Variants in TOMM34 observed in about 807,000 individuals in gnomAD.
The protein encoded by TOMM34 is translocase of outer mitochondrial membrane 34.
Under a neutral mutation model 37.4 loss-of-function variants are expected in TOMM34, and 24 were observed. The ratio of observed to expected loss-of-function variants is 0.64; its 90% CI spans 0.46 to 0.90. The LOEUF is 0.90. TOMM34 is among the 40% of genes least tolerant of loss of function. The pLI is 0.00. For missense variants in TOMM34, 304 were observed against 375.6 expected (o/e 0.81, Z 1.58); for synonymous variants, 154 against 148.9 (o/e 1.03, Z -0.25).
Position 44,951,168 on chromosome 20 carries a change from A to G in TOMM34, c.550+665T>C, listed in dbSNP as rs553397547. 2.0e-5 allele frequency among the ~76,000 whole-genome samples: 3 copies of G among 152,276 alleles called. No homozygotes were observed. The East Asian group carries it at 5.8e-4, about 29-fold the overall frequency. ...CCAGAATAGATTGAGAAAATGATTGAGAAAATATGTGAGCTAGAGTTTTTT... is the reference window on the plus strand; with the variant it reads ...CCAGAATAGATTGAGAAAATGATTGGGAAAATATGTGAGCTAGAGTTTTTT... On this transcript the variant is annotated intron_variant, in intron 4 of 6. Transcript: ENST00000372813.
At position 44,955,184 on chromosome 20, in the gene TOMM34, C is replaced by G; in HGVS notation, c.264G>C (p.Leu88=). Residue 88 remains leucine (L), a synonymous_variant, in exon 3 of 7, where the codon CTG becomes CTC. Transcript: ENST00000372813. The part of the protein sequence containing the change: ...LALVPFSIKP[L]LRRASAYEAL... ...CCTCATAAGCAGATGCTCGCCGCAG[C>G]AGGGGCTTAATGCTGAAGGGAACCA... The G allele has an allele frequency of 6.2e-7, 1 of 1,614,194 alleles. No homozygotes were observed. The highest frequency in any genetic ancestry group is 8.5e-7 in the Non-Finnish European group (1 of 1,180,036).
chr20:44,954,756 T>C (rs1361532875), intron 3 of TOMM34, among the ~76,000 whole-genome samples: 1 of 152,174 alleles, frequency 6.6e-6, no homozygotes, highest in East Asian at 1.9e-4. Flanking sequence ...TGTATCTCTT[T>C]CTCATTTTGG....
chr20:44,953,939 C>A lies in TOMM34; in HGVS notation c.380+1129G>T, dbSNP rs1020889908. On this transcript the variant is annotated intron_variant, in intron 3 of 6. Coordinates refer to ENST00000372813, the MANE Select transcript of TOMM34 (RefSeq NM_006809.5). ...AAGGCTGACTTGCTCAGGATTAAGTCCAAGCCCTGAACCCTGGGTCTTGTG... is the reference window on the plus strand; with the variant it reads ...AAGGCTGACTTGCTCAGGATTAAGTACAAGCCCTGAACCCTGGGTCTTGTG... 3.3e-5 allele frequency among the ~76,000 whole-genome samples: 5 copies of A among 152,312 alleles called. No homozygotes were observed. The South Asian group carries it at 8.3e-4, about 25-fold the overall frequency.
Position 44,948,578 on chromosome 20 carries a change from A to C in TOMM34, c.698+152T>G, listed in dbSNP as rs1051430730. 2.1e-5 allele frequency: 20 copies of C among 952,336 alleles called. No individual in the cohort carries two copies. The Middle Eastern group carries it at 1.0e-3, about 48-fold the overall frequency. The allele number at this position is 952,336 out of a possible 1,614,324, so 59.0% of individuals were successfully genotyped here. ...CTACCCTTTTGAGAGAATGAATGCC[A>C]CTGGTCATGGCTAGCTCACAACGTG... On this transcript the variant is annotated intron_variant, in intron 5 of 6. Coordinates refer to ENST00000372813, the MANE Select transcript of TOMM34 (RefSeq NM_006809.5).
At chr20:44,959,832 C>T (rs1185880848) in intron 1 of TOMM34, 1 of 739,418 alleles carries the variant, frequency 1.4e-6, no homozygotes, top group Non-Finnish European at 1.7e-6. Context: ...TTAAGACTCA[C>T]GTCCTCCCCA....
chr20:44,945,401 T>C (rs1344573283), intron 5 of TOMM34, among the ~76,000 whole-genome samples: 7 of 152,220 alleles, frequency 4.6e-5, no homozygotes, highest in Admixed American at 4.6e-4. Flanking sequence ...GTGACTGCTC[T>C]GACCAACAGA....
In TOMM34 at chr20:44,942,993, A is replaced by AG. The variant is rs1473498018; in HGVS notation, c.*115dup. ...GTGGGAGGCCATCAAGGGATTGAGGAGGGGGCTTCAGAGCTCACTTGGGGC... is the reference window on the plus strand; with the variant it reads ...GTGGGAGGCCATCAAGGGATTGAGGAGGGGGGCTTCAGAGCTCACTTGGGGC... On this transcript the variant is annotated 3_prime_UTR_variant, in exon 7 of 7. Coordinates refer to ENST00000372813, the MANE Select transcript of TOMM34 (RefSeq NM_006809.5). 4 of 895,520 alleles carry AG rather than the reference A, an allele frequency of 4.5e-6. No individual in the cohort carries two copies. The highest frequency in any genetic ancestry group is 7.2e-6 in the Non-Finnish European group (4 of 556,228). The allele number at this position is 895,520 out of a possible 1,614,324, so 55.5% of individuals were successfully genotyped here. A position where few individuals can be genotyped will look rare whatever the true frequency, so the allele number is the denominator to read the frequency against.
Position 44,952,018 on chromosome 20 carries a change from G to T in TOMM34, c.381-16C>A. 6.3e-7 allele frequency: 1 copy of T among 1,599,408 alleles called. No individual in the cohort carries two copies. The highest frequency in any genetic ancestry group is 8.5e-7 in the Non-Finnish European group (1 of 1,172,538). On this transcript the variant is annotated splice_polypyrimidine_tract_variant and intron_variant, in intron 3 of 6. Transcript: ENST00000372813. ...TCTGGTCATTCTGGAAAAGAAGGCAGGATTGCAGGGAGGTTTCCAGCTGGG... is the reference window on the plus strand; with the variant it reads ...TCTGGTCATTCTGGAAAAGAAGGCATGATTGCAGGGAGGTTTCCAGCTGGG...
At chr20:44,956,934 A>G (rs1477446676) in intron 1 of TOMM34, among the ~76,000 whole-genome samples, 1 of 152,088 alleles carries the variant, frequency 6.6e-6, no homozygotes, top group Admixed American at 6.5e-5. Flanking sequence ...ACGTATGATA[A>G]ATGGATTGAC....
In TOMM34 at chr20:44,943,004, G is replaced by A. The variant is rs1482140947; in HGVS notation, c.*105C>T. ...TCAAGGGATTGAGGAGGGGGCTTCA[G>A]AGCTCACTTGGGGCATGCTGGGTTT... On this transcript the variant is annotated 3_prime_UTR_variant, in exon 7 of 7. Transcript: ENST00000372813. 1 of 1,069,874 alleles carries A rather than the reference G, an allele frequency of 9.3e-7. No homozygotes were observed. Among genetic ancestry groups the A allele is most frequent in the Non-Finnish European group, 1.4e-6 (1 of 704,846 alleles). 66.3% of individuals were successfully genotyped at this position (1,069,874 alleles called of 1,614,324 possible).
intron 4 of TOMM34, 126 bp downstream of exon 4, chr20:44,951,707 G>T: frequency 8.2e-7 from 1 of 1,212,284 alleles, no homozygotes; most frequent in Non-Finnish European, 1.1e-6. Context: ...CTTGTATTTT[G>T]TTTTATACTT....
intron 5 of TOMM34, among the ~76,000 whole-genome samples, chr20:44,947,575 T>G (rs111862441): frequency 0.018 from 2,754 of 152,240 alleles, 93 homozygotes; most frequent in African/African-American, 0.062. Flanking sequence ...CTTGGCTCAC[T>G]GTAACCTCTG....
chr20:44,950,470 C>G (rs139429621), intron 4 of TOMM34, among the ~76,000 whole-genome samples: 199 of 152,288 alleles, frequency 1.3e-3, no homozygotes, highest in Non-Finnish European at 2.1e-3. Context: ...AGGGAGAGTT[C>G]CCTGAGGGCC....
At position 44,942,772 on chromosome 20, in the gene TOMM34, G is replaced by T. The variant is rs915795508; in HGVS notation, c.*337C>A. 1 of 344,394 alleles carries T rather than the reference G, an allele frequency of 2.9e-6. No homozygotes were observed. Among genetic ancestry groups the T allele is most frequent in the African/African-American group, 2.1e-5 (1 of 47,306 alleles). 21.3% of individuals were successfully genotyped at this position (344,394 alleles called of 1,614,324 possible). ...AAGCTACAAGGGCAGCACTCAGTCTGCAGCCCACTTGGGCAGGACAAAGCC... is the reference window on the plus strand; with the variant it reads ...AAGCTACAAGGGCAGCACTCAGTCTTCAGCCCACTTGGGCAGGACAAAGCC... On this transcript the variant is annotated 3_prime_UTR_variant, in exon 7 of 7. Coordinates refer to ENST00000372813, the MANE Select transcript of TOMM34 (RefSeq NM_006809.5).
At chr20:44,956,277 T>C in intron 2 of TOMM34, 109 bp downstream of exon 2, 4 of 1,052,528 alleles carry the variant, frequency 3.8e-6, no homozygotes, top group Non-Finnish European at 5.6e-6. Flanking sequence ...TCTTAATATC[T>C]GTCCCAGATG....
intron 4 of TOMM34, 86 bp from the exon 5 acceptor site, chr20:44,948,963 A>G (rs973792244): frequency 6.7e-7 from 1 of 1,490,366 alleles, no homozygotes; most frequent in African/African-American, 1.4e-5. Flanking sequence ...GTCCCTTCCA[A>G]ACTGACTACA....
chr20:44,960,150 G>T, intron 1 of TOMM34, 57 bp downstream of exon 1: 1 of 1,513,666 alleles, frequency 6.6e-7, no homozygotes, highest in South Asian at 1.3e-5. Context: ...GGCCCGGGCG[G>T]TGGTTGCGGG....
intron 1 of TOMM34, among the ~76,000 whole-genome samples, chr20:44,957,950 ATT>A (rs1036217715): frequency 3.3e-5 from 5 of 152,044 alleles, no homozygotes; most frequent in Admixed American, 6.5e-5. Flanking sequence ...ACCCTTAAAA[ATT>A]TTTTTGATAA....
At chr20:44,953,311 C>T (rs958051411) in intron 3 of TOMM34, among the ~76,000 whole-genome samples, 5 of 152,218 alleles carry the variant, frequency 3.3e-5, no homozygotes, top group African/African-American at 7.2e-5. Flanking sequence ...TCAGAGCCAC[C>T]GGTGACTTCA....
Sources: allele counts gnomAD v4.1 joint callset (sites outside exome capture counted in the v4.1 genomes callset), GRCh38; gene constraint gnomAD v4.1.1; transcripts MANE v1.5; gene names NCBI Gene and HGNC (gene_info 2026-07-23, HGNC 2026-07-21).